Variants in COL11A1 observed in about 807,000 individuals in gnomAD.
The protein encoded by COL11A1 is collagen type XI alpha 1 chain, also known as collagen alpha-1(XI) chain.
Under a neutral mutation model 265.2 loss-of-function variants are expected in COL11A1, and 74 were observed. That is an observed-to-expected ratio of 0.28 (90% CI 0.23 to 0.34). COL11A1 has a LOEUF of 0.34. Among genes scored for constraint, COL11A1 ranks in the 10% least tolerant of loss-of-function variants. The pLI is 1.00. For missense variants in COL11A1, 2,165 were observed against 2,263.6 expected, an observed-to-expected ratio of 0.96 and a Z score of 0.88; for synonymous variants, 816 against 727.6, an observed-to-expected ratio of 1.12 and a Z score of -1.96.
intron 46 of COL11A1, among the ~76,000 whole-genome samples, chr1:102,930,054 T>G (rs920994361): frequency 1.3e-5 from 2 of 152,292 alleles, no homozygotes; most frequent in Admixed American, 1.3e-4. Context: ...CAATTTGACT[T>G]CCTCTTTTCC....
At chr1:102,961,270 G>T (rs2101565368) in intron 41 of COL11A1, among the ~76,000 whole-genome samples, 1 of 152,172 alleles carries the variant, frequency 6.6e-6, no homozygotes, top group Non-Finnish European at 1.5e-5. Context: ...AGAAAAAAAT[G>T]AGGTAAAAAT....
intron 42 of COL11A1, among the ~76,000 whole-genome samples, chr1:102,943,159 C>T (rs958002091): frequency 2.0e-5 from 3 of 151,958 alleles, no homozygotes; most frequent in Non-Finnish European, 4.4e-5. Flanking sequence ...TGAGGCAACG[C>T]ATTCAATCTT....
At position 103,019,029 on chromosome 1, in the gene COL11A1, A is replaced by C. The variant is rs927381457; in HGVS notation, c.1309-170T>G. On this transcript the variant is annotated intron_variant, in intron 9 of 66. Coordinates refer to ENST00000370096, the MANE Select transcript of COL11A1 (RefSeq NM_001854.4). ...GCACAGGGAAGGAAAGAAATTCAAAATTATAGAAGATATAGACTGTGCCCT... is the reference window on the plus strand; with the variant it reads ...GCACAGGGAAGGAAAGAAATTCAAACTTATAGAAGATATAGACTGTGCCCT... 4.6e-5 allele frequency among the ~76,000 whole-genome samples: 7 copies of C among 152,196 alleles called. No homozygotes were observed. In the East Asian group the frequency reaches 1.3e-3, roughly 29 times the overall value.
chr1:102,940,186 A>T (rs1658574399), intron 43 of COL11A1, 141 bp downstream of exon 43: 1 of 705,376 alleles, frequency 1.4e-6, no homozygotes, highest in Non-Finnish European at 2.6e-6. Context: ...AAAACTTTTG[A>T]GCATATGAAA....
chr1:102,897,688 T>G (rs543984603), intron 57 of COL11A1, among the ~76,000 whole-genome samples: 1 of 152,300 alleles, frequency 6.6e-6, no homozygotes, highest in East Asian at 1.9e-4. Context: ...CTTTTTTCAC[T>G]GAGTTTTACT....
chr1:102,975,056 G>T (rs995281169), intron 35 of COL11A1, among the ~76,000 whole-genome samples, 173 bp from the exon 36 acceptor site: 1 of 152,016 alleles, frequency 6.6e-6, no homozygotes, highest in Non-Finnish European at 1.5e-5. Context: ...AAAGTAAAAT[G>T]GATACATTTT....
chr1:102,915,552 A>C (rs1304502236), intron 50 of COL11A1, 79 bp downstream of exon 50: 14 of 1,198,894 alleles, frequency 1.2e-5, no homozygotes, highest in African/African-American at 3.0e-5. Context: ...CACAGCTAAG[A>C]GTTGTTACAT....
chr1:103,002,386 TC>T (rs759011497), intron 23 of COL11A1, 41 bp downstream of exon 23: 23 of 1,511,408 alleles, frequency 1.5e-5, no homozygotes, highest in East Asian at 4.6e-5. Flanking sequence ...GATAGCATCT[TC>T]CCCCCATTAT....
intron 4 of COL11A1, among the ~76,000 whole-genome samples, chr1:103,069,937 C>G (rs1404435497): frequency 1.3e-5 from 2 of 151,722 alleles, no homozygotes; most frequent in Non-Finnish European, 2.9e-5. Context: ...ATGACTGGAA[C>G]TCTCATACAC....
chr1:102,962,064 A>G lies in COL11A1; in HGVS notation c.3114+112T>C, dbSNP rs1660962009. ...TACACATATATGTAATGATAATCAA[A>G]TATATATGTTTATATATCTTCCCTT... On this transcript the variant is annotated intron_variant, in intron 40 of 66. Transcript: ENST00000370096. The G allele has an allele frequency of 2.8e-6, 3 of 1,070,360 alleles. No individual in the cohort carries two copies. In the Admixed American group the frequency reaches 5.9e-5, roughly 21 times the overall value. 66.3% of individuals were successfully genotyped at this position (1,070,360 alleles called of 1,614,324 possible).
At chr1:102,936,049 T>C (rs553800968) in intron 44 of COL11A1, among the ~76,000 whole-genome samples, 23 of 152,316 alleles carry the variant, frequency 1.5e-4, no homozygotes, top group African/African-American at 5.5e-4. Context: ...TACCACGATA[T>C]ACTTTCAATC....
At chr1:102,916,915 T>C (rs1363716485) in intron 49 of COL11A1, among the ~76,000 whole-genome samples, 1 of 151,968 alleles carries the variant, frequency 6.6e-6, no homozygotes, top group African/African-American at 2.4e-5. Flanking sequence ...CAAGGGCTGA[T>C]ATTCATATCT....
intron 4 of COL11A1, among the ~76,000 whole-genome samples, chr1:103,049,961 A>G (rs1669659554): frequency 6.6e-6 from 1 of 152,226 alleles, no homozygotes; most frequent in Non-Finnish European, 1.5e-5. Context: ...GTTTCTGCCG[A>G]GAGATCAGCT....
intron 5 of COL11A1, among the ~76,000 whole-genome samples, chr1:103,029,258 G>A (rs945349666): frequency 2.0e-5 from 3 of 151,976 alleles, no homozygotes; most frequent in African/African-American, 7.2e-5. Flanking sequence ...AAGTTTATTA[G>A]TGAACAAGTA....
intron 14 of COL11A1, among the ~76,000 whole-genome samples, chr1:103,009,043 A>G (rs935447413): frequency 2.0e-5 from 3 of 152,206 alleles, no homozygotes; most frequent in African/African-American, 7.2e-5. Flanking sequence ...TAGTGTTAAC[A>G]CATTTTTCCC....
chr1:102,938,381 G>GA (rs5776665), intron 44 of COL11A1, among the ~76,000 whole-genome samples: 3 of 145,808 alleles, frequency 2.1e-5, no homozygotes, highest in South Asian at 2.1e-4. Flanking sequence ...CACTTAAAGG[G>GA]AAAAAAAAAT....
At chr1:103,068,871 C>T (rs1158736791) in intron 4 of COL11A1, among the ~76,000 whole-genome samples, 1 of 150,638 alleles carries the variant, frequency 6.6e-6, no homozygotes, top group Non-Finnish European at 1.5e-5. Context: ...TAAAAGATGT[C>T]CAAGACATTT....
At chr1:103,033,723 A>G (rs1668154525) in intron 4 of COL11A1, among the ~76,000 whole-genome samples, 1 of 152,166 alleles carries the variant, frequency 6.6e-6, no homozygotes, top group African/African-American at 2.4e-5. Flanking sequence ...GTAATCTTCC[A>G]TTTCAATCTG....
chr1:102,936,345 G>A (rs111851485), intron 44 of COL11A1, among the ~76,000 whole-genome samples: 4,973 of 151,578 alleles, frequency 0.033, 105 homozygotes, highest in Middle Eastern at 0.087. Context: ...TTACTTGAAA[G>A]AGCGGCTGAC....
Sources: gnomAD v4.1 joint callset for allele counts (sites outside exome capture counted in the v4.1 genomes callset) on GRCh38, gnomAD v4.1.1 for gene constraint, MANE v1.5 for transcripts, NCBI Gene and HGNC (gene_info 2026-07-23, HGNC 2026-07-21) for gene names.